CCDC7: variants seen among roughly 807,000 people sequenced by gnomAD.
CCDC7 encodes coiled-coil domain-containing protein 7.
A neutral mutation model predicts 196.9 loss-of-function variants in CCDC7; 183 were observed. That is an observed-to-expected ratio of 0.93 (90% confidence interval 0.82 to 1.05). The LOEUF is 1.05. Among genes scored for constraint, CCDC7 ranks in the 50% least tolerant of loss-of-function variants. The probability of loss-of-function intolerance (pLI) is 0.00; values close to 1 mark genes in which losing one functional copy is unlikely to be tolerated. For synonymous variants in CCDC7, 525 were observed against 484.6 expected (o/e 1.08, Z -1.10); for missense variants, 1,540 against 1,482.2 (o/e 1.04, Z -0.64).
At chr10:32,583,061 T>C in exon 17 of CCDC7, 1 of 1,231,442 alleles carries the variant, frequency 8.1e-7, no homozygotes, top group Non-Finnish European at 1.0e-6. Flanking sequence ...CTAGCCCTGC[T>C]ATTTCAGATC....
intron 18 of CCDC7, among the ~76,000 whole-genome samples, chr10:32,608,589 G>A (rs978156755): frequency 6.6e-6 from 1 of 151,548 alleles, no homozygotes; most frequent in African/African-American, 2.4e-5. Context: ...TTGCCCAGGC[G>A]GTGTGCAGTG....
At chr10:32,770,206 T>C (rs2078963092) in intron 28 of CCDC7, among the ~76,000 whole-genome samples, 1 of 152,204 alleles carries the variant, frequency 6.6e-6, no homozygotes. Context: ...AGGAGCAACG[T>C]TGGGTTGTTA....
intron 3 of CCDC7, among the ~76,000 whole-genome samples, chr10:32,461,711 A>T (rs3123647): frequency 1.6e-5 from 1 of 60,664 alleles, no homozygotes; most frequent in Non-Finnish European, 2.9e-5. Flanking sequence ...GTGTGTGTGT[A>T]TATATATATA....
chr10:32,557,190 A>AT (rs1362038986), intron 13 of CCDC7, among the ~76,000 whole-genome samples: 1 of 149,252 alleles, frequency 6.7e-6, no homozygotes, highest in Admixed American at 6.7e-5. Flanking sequence ...CTTGGCTTTC[A>AT]TTTTTTTCTG....
chr10:32,470,640 T>A (rs1441948258), intron 5 of CCDC7, among the ~76,000 whole-genome samples: 2 of 152,166 alleles, frequency 1.3e-5, no homozygotes, highest in Admixed American at 6.5e-5. Flanking sequence ...ATATTTTAAC[T>A]TCTGGGAGTT....
chr10:32,511,834 C>T (rs923149732), intron 9 of CCDC7: 4 of 779,510 alleles, frequency 5.1e-6, no homozygotes, highest in East Asian at 2.7e-5. Context: ...GCGCCACCAG[C>T]GGCGCTTTCC....
intron 11 of CCDC7, among the ~76,000 whole-genome samples, chr10:32,531,574 A>G (rs1416361748): frequency 6.6e-6 from 1 of 152,166 alleles, no homozygotes; most frequent in African/African-American, 2.4e-5. Flanking sequence ...GCCTTGTAGA[A>G]TGCATTTGGA....
At chr10:32,452,123 C>T (rs2033227258) in intron 1 of CCDC7, among the ~76,000 whole-genome samples, 1 of 152,128 alleles carries the variant, frequency 6.6e-6, no homozygotes, top group Non-Finnish European at 1.5e-5. Flanking sequence ...CCAGGAGATG[C>T]TTAATTTCTT....
chr10:32,474,528 C>T (rs529810117), intron 8 of CCDC7, among the ~76,000 whole-genome samples: 1 of 152,028 alleles, frequency 6.6e-6, no homozygotes, highest in African/African-American at 2.4e-5. Context: ...TGAGCCACTG[C>T]GCCCGGCCTA....
chr10:32,794,230 C>T (rs2083182569), intron 29 of CCDC7, among the ~76,000 whole-genome samples: 1 of 152,122 alleles, frequency 6.6e-6, no homozygotes, highest in Admixed American at 6.5e-5. Context: ...CTAGTTGCAT[C>T]TATGTTGCTG....
In CCDC7 at chr10:32,474,210, CTTTTTTTTTTTTTTT is replaced by C. The variant is rs71027095; in HGVS notation, c.796+203_796+217del. 1.2e-3 allele frequency among the ~76,000 whole-genome samples: 71 copies of C among 58,970 alleles called. 1 individual carries two copies. Among genetic ancestry groups the C allele is most frequent in the Middle Eastern group, 0.034 (2 of 58 alleles). The allele number at this position is 58,970 out of a possible 152,430, so 38.7% of individuals were successfully genotyped here. Reference sequence around the variant, plus strand: ...GGATACGTGTTACTGAAACTAGATTCTTTTTTTTTTTTTTTTTTTTTTTTTTTTTTGGAGACAGAG... The same window carrying C: ...GGATACGTGTTACTGAAACTAGATTCTTTTTTTTTTTTTTTGGAGACAGAG... On this transcript the variant is annotated intron_variant, in intron 8 of 41. Coordinates refer to ENST00000639629, the Ensembl canonical transcript of CCDC7.
At chr10:32,791,846 A>G (rs1565515014) in intron 29 of CCDC7, among the ~76,000 whole-genome samples, 1 of 152,196 alleles carries the variant, frequency 6.6e-6, no homozygotes, top group African/African-American at 2.4e-5. Context: ...GTCTGAAGGG[A>G]GACATGGATG....
At chr10:32,727,381 G>A (rs893250074) in intron 26 of CCDC7, among the ~76,000 whole-genome samples, 1 of 152,154 alleles carries the variant, frequency 6.6e-6, no homozygotes, top group African/African-American at 2.4e-5. Flanking sequence ...TTCTTGTGTG[G>A]TGGGGAATGT....
chr10:32,781,555 C>T (rs909856495), intron 29 of CCDC7, among the ~76,000 whole-genome samples: 7 of 152,066 alleles, frequency 4.6e-5, no homozygotes, highest in Admixed American at 1.3e-4. Flanking sequence ...ACAAAAAACC[C>T]CACTGGATCC....
chr10:32,623,362 A>G (rs889608668), intron 18 of CCDC7, among the ~76,000 whole-genome samples: 1 of 152,164 alleles, frequency 6.6e-6, no homozygotes, highest in East Asian at 1.9e-4. Flanking sequence ...ATGATAGGGT[A>G]TATAACCTGA....
intron 9 of CCDC7, among the ~76,000 whole-genome samples, chr10:32,497,921 G>T (rs1300361398): frequency 6.6e-6 from 1 of 152,116 alleles, no homozygotes; most frequent in East Asian, 1.9e-4. Flanking sequence ...GCTTGGTCTG[G>T]AGCTGAGTTC....
At chr10:32,768,551 G>A (rs77653720) in intron 28 of CCDC7, among the ~76,000 whole-genome samples, 8,052 of 152,084 alleles carry the variant, frequency 0.053, 714 homozygotes, top group African/African-American at 0.18. Context: ...AGGACTTCCA[G>A]TATTACGTTG....
chr10:32,713,663 A>C (rs577432083), intron 25 of CCDC7, among the ~76,000 whole-genome samples: 1 of 152,208 alleles, frequency 6.6e-6, no homozygotes, highest in South Asian at 2.1e-4. Context: ...ATGGCTCACT[A>C]TCTATTGGGG....
intron 29 of CCDC7, among the ~76,000 whole-genome samples, chr10:32,781,771 T>C (rs2081103995): frequency 1.3e-5 from 2 of 152,192 alleles, no homozygotes; most frequent in Non-Finnish European, 2.9e-5. Flanking sequence ...TTAGATAACT[T>C]CTAGTCAAAA....
Sources: gnomAD v4.1 joint callset for allele counts (sites outside exome capture counted in the v4.1 genomes callset) on GRCh38, gnomAD v4.1.1 for gene constraint, MANE v1.5 for transcripts, NCBI Gene and HGNC (gene_info 2026-07-23, HGNC 2026-07-21) for gene names.